CNTLN: variants seen among roughly 807,000 people sequenced by gnomAD.
CNTLN encodes the protein centlein.
CNTLN carries 212 observed loss-of-function variants against 180.0 expected under a neutral mutation model. That is an observed-to-expected ratio of 1.18 (90% CI 1.05 to 1.32). CNTLN has a LOEUF of 1.32. Among genes scored for constraint, CNTLN ranks in the 40% most tolerant of loss-of-function variants. CNTLN has a pLI of 0.00. For missense variants in CNTLN, 2,095 were observed against 1,610.9 expected, an observed-to-expected ratio of 1.30 and a Z score of -5.14; for synonymous variants, 722 against 563.1, an observed-to-expected ratio of 1.28 and a Z score of -3.99.
chr9:17,520,839 T>TC, the CNTLN span, among the ~76,000 whole-genome samples: 1 of 152,146 alleles, frequency 6.6e-6, no homozygotes, highest in African/African-American at 2.4e-5. Context: ...CAGGGCAGCA[T>TC]CCCCCACCCT....
At chr9:17,388,927 A>C (rs1825893047) in intron 14 of CNTLN, among the ~76,000 whole-genome samples, 1 of 151,940 alleles carries the variant, frequency 6.6e-6, no homozygotes, top group African/African-American at 2.4e-5. Context: ...AAGTGGATCT[A>C]ATTATTAACA....
chr9:17,146,550 CCTTCT>C (rs779819888), intron 2 of CNTLN, among the ~76,000 whole-genome samples: 5 of 152,078 alleles, frequency 3.3e-5, no homozygotes, highest in Non-Finnish European at 5.9e-5. Context: ...AAGGAGCCTC[CCTTCT>C]CTTCTGCCAT....
intron 6 of CNTLN, among the ~76,000 whole-genome samples, chr9:17,277,039 C>G (rs1828356279): frequency 6.6e-6 from 1 of 151,898 alleles, no homozygotes; most frequent in Non-Finnish European, 1.5e-5. Flanking sequence ...ATTAAATTGC[C>G]TAACCAAAAC....
intron 2 of CNTLN, among the ~76,000 whole-genome samples, chr9:17,181,900 G>T (rs116403689): frequency 0.019 from 2,883 of 152,254 alleles, 57 homozygotes; most frequent in African/African-American, 0.05. Flanking sequence ...GAGGAAGGGA[G>T]CCTTGTTATT....
intron 6 of CNTLN, among the ~76,000 whole-genome samples, chr9:17,280,440 T>G (rs1221197638): frequency 6.6e-6 from 1 of 152,206 alleles, no homozygotes; most frequent in Non-Finnish European, 1.5e-5. Flanking sequence ...CAATCCTTTT[T>G]TATTATCTTT....
In CNTLN at chr9:17,211,112, A is replaced by G. The variant is rs574799925; in HGVS notation, c.450-15091A>G. 1.6e-3 allele frequency among the ~76,000 whole-genome samples: 248 copies of G among 152,196 alleles called. 1 individual carries two copies. The highest frequency in any genetic ancestry group is 5.8e-3 in the African/African-American group (239 of 41,522). On this transcript the variant is annotated intron_variant, in intron 2 of 25. Transcript: ENST00000380647. ...TTGTTGCCATTGCTTTTGGTGTTTT[A>G]GACATGAAGTCCTTGCCCATGCCTA...
intron 2 of CNTLN, among the ~76,000 whole-genome samples, chr9:17,170,799 C>T (rs773425795): frequency 6.6e-6 from 1 of 151,872 alleles, no homozygotes; most frequent in Non-Finnish European, 1.5e-5. Flanking sequence ...ATGTTTTGGT[C>T]AATGATGGAC....
rs534063576 is a variant in CNTLN at position 17,465,596 on chromosome 9, T to C, written c.3532-385T>C. On this transcript the variant is annotated intron_variant, in intron 21 of 25. Transcript: ENST00000380647. ...GTTTTATTTCATCCAAAAAAAGGTA[T>C]GTAATAGTTATTTTAGAGAATACAA... Among the ~76,000 whole-genome samples the C allele has an allele frequency of 2.4e-4, 36 of 151,018 alleles. No individual in the cohort carries two copies. The South Asian group carries it at 2.5e-3, about 10-fold the overall frequency.
intron 13 of CNTLN, among the ~76,000 whole-genome samples, chr9:17,371,867 G>A (rs568315995): frequency 5.3e-5 from 8 of 152,128 alleles, no homozygotes; most frequent in East Asian, 3.9e-4. Flanking sequence ...TGAATGACCC[G>A]TGTGTCAATG....
chr9:17,411,860 C>T (rs1310435755), intron 16 of CNTLN, among the ~76,000 whole-genome samples: 2 of 152,082 alleles, frequency 1.3e-5, no homozygotes, highest in Non-Finnish European at 2.9e-5. Flanking sequence ...AGGTTAAGAA[C>T]CGGTGACTCC....
chr9:17,215,946 T>C (rs112690960), intron 2 of CNTLN, among the ~76,000 whole-genome samples: 1 of 152,064 alleles, frequency 6.6e-6, no homozygotes, highest in Non-Finnish European at 1.5e-5. Context: ...CAGGTGCTGG[T>C]TGTCACAGCT....
intron 2 of CNTLN, among the ~76,000 whole-genome samples, chr9:17,161,800 C>T (rs1819698313): frequency 6.6e-6 from 1 of 152,146 alleles, no homozygotes; most frequent in Non-Finnish European, 1.5e-5. Flanking sequence ...TGTAATCCAC[C>T]TACTGTTACA....
intron 15 of CNTLN, among the ~76,000 whole-genome samples, chr9:17,396,350 C>G (rs1218516214): frequency 2.6e-5 from 4 of 151,706 alleles, no homozygotes; most frequent in South Asian, 4.2e-4. Flanking sequence ...GATCAGGACC[C>G]TTTCTTGTAA....
intron 5 of CNTLN, among the ~76,000 whole-genome samples, chr9:17,247,649 A>G (rs1396720370): frequency 1.3e-5 from 2 of 152,086 alleles, no homozygotes; most frequent in East Asian, 1.9e-4. Context: ...GTGTGTGGAT[A>G]GTTGTTCAAT....
At chr9:17,179,315 C>A (rs114284753) in intron 2 of CNTLN, among the ~76,000 whole-genome samples, 1,848 of 150,842 alleles carry the variant, frequency 0.012, 51 homozygotes, top group African/African-American at 0.043. Context: ...TAACGTACAC[C>A]TTTAATTTTA....
chr9:17,420,761 A>G (rs1280280653), intron 18 of CNTLN, among the ~76,000 whole-genome samples: 1 of 151,898 alleles, frequency 6.6e-6, no homozygotes, highest in Non-Finnish European at 1.5e-5. Flanking sequence ...TGCTTCGATT[A>G]TTTGTTTCAA....
intron 12 of CNTLN, among the ~76,000 whole-genome samples, chr9:17,363,962 A>G (rs1014455166): frequency 6.6e-6 from 1 of 152,052 alleles, no homozygotes; most frequent in African/African-American, 2.4e-5. Context: ...TTGTTTGTTG[A>G]TATGAGAACT....
chr9:17,225,414 C>G (rs904962138), intron 2 of CNTLN, among the ~76,000 whole-genome samples: 1 of 151,996 alleles, frequency 6.6e-6, no homozygotes, highest in African/African-American at 2.4e-5. Context: ...TTGTGATTCT[C>G]ACAGATATAG....
At position 17,394,869 on chromosome 9, in the gene CNTLN, T is replaced by C. The variant is rs764673344; in HGVS notation, c.2415T>C (p.Ala805=). ...MEKSHQSADR[A]KSEMATMKVR... is the part of the protein sequence containing the mutation. ...AATCACACCAGTCAGCAGACAGAGC[T>C]AAATCCGAGATGGCCACCATGAAAG... Residue 805 remains alanine (A), a synonymous_variant, in exon 15 of 26, where the codon GCT becomes GCC. Transcript: ENST00000380647. 1 of 1,613,992 alleles carries C rather than the reference T, an allele frequency of 6.2e-7. No homozygotes were observed. Among genetic ancestry groups the C allele is most frequent in the South Asian group, 1.1e-5 (1 of 91,072 alleles).
Sources: gnomAD v4.1 joint callset for allele counts (sites outside exome capture counted in the v4.1 genomes callset) on GRCh38, gnomAD v4.1.1 for gene constraint, MANE v1.5 for transcripts, NCBI Gene and HGNC (gene_info 2026-07-23, HGNC 2026-07-21) for gene names.